Variants in ZNF677 observed in about 807,000 individuals in gnomAD.
ZNF677 encodes the protein zinc finger protein 677.
In ZNF677, 5 loss-of-function variants were observed where a neutral mutation model predicts 8.1. The ratio of observed to expected loss-of-function variants is 0.62; its 90% CI spans 0.32 to 1.29. The LOEUF is 1.29. Ranked by LOEUF, ZNF677 falls within the 50% of genes most tolerant of loss-of-function variation. The probability of loss-of-function intolerance (pLI) is 0.05; values close to 1 mark genes in which losing one functional copy is unlikely to be tolerated. For synonymous variants in ZNF677, 221 were observed against 225.6 expected, an observed-to-expected ratio of 0.98 and a Z score of 0.18; for missense variants, 685 against 685.9, an observed-to-expected ratio of 1.00 and a Z score of 0.01.
At chr19:53,243,709 C>T (rs766465425) in intron 4 of ZNF677, 35 bp downstream of exon 4, 11 of 1,613,402 alleles carry the variant, frequency 6.8e-6, no homozygotes, top group Non-Finnish European at 8.5e-6. Context: ...AAGAGACTCA[C>T]AAGGAAAAAT....
intron 2 of ZNF677, among the ~76,000 whole-genome samples, chr19:53,252,482 G>T (rs897252541): frequency 4.6e-5 from 7 of 152,170 alleles, no homozygotes; most frequent in African/African-American, 1.7e-4. Flanking sequence ...AGTAGCAAAG[G>T]TTTGTCCTTA....
intron 2 of ZNF677, among the ~76,000 whole-genome samples, chr19:53,252,720 C>T (rs1413531208): frequency 6.6e-6 from 1 of 152,154 alleles, no homozygotes; most frequent in Admixed American, 6.5e-5. Flanking sequence ...CCAATCCAGG[C>T]CATTCTTCAA....
chr19:53,248,259 A>G (rs1484193708), intron 3 of ZNF677, among the ~76,000 whole-genome samples: 5 of 152,204 alleles, frequency 3.3e-5, no homozygotes, highest in Non-Finnish European at 4.4e-5. Context: ...TTCTCTTTAT[A>G]ATGTCAAAAA....
rs11879525 is a variant in ZNF677, at chr19:53,241,587, A to G, written c.169+2157T>C. On this transcript the variant is annotated intron_variant, in intron 4 of 4. Transcript: ENST00000598513. ...TACACCTTGTACTGCTGGCTCCAAG[A>G]GGATGATCAGCATATATCTAACCAG... 6.9e-3 allele frequency: 2,523 copies of G among 363,396 alleles called. 72 individuals are homozygous for G. Among genetic ancestry groups the G allele is most frequent in the African/African-American group, 0.048 (2,323 of 47,946 alleles). The allele number at this position is 363,396 out of a possible 1,614,324, so 22.5% of individuals were successfully genotyped here.
intron 3 of ZNF677, among the ~76,000 whole-genome samples, chr19:53,244,295 G>A (rs2091102413): frequency 6.6e-6 from 1 of 152,192 alleles, no homozygotes; most frequent in Non-Finnish European, 1.5e-5. Flanking sequence ...CCTGGGAGGT[G>A]GAGACTGCAG....
intron 4 of ZNF677, chr19:53,241,685 GGCT>G: frequency 2.6e-6 from 1 of 390,024 alleles, no homozygotes. Flanking sequence ...TTATCCCTCC[GGCT>G]GTCCTGATTC....
intron 4 of ZNF677, chr19:53,240,170 T>C (rs959127437): frequency 6.6e-6 from 1 of 152,254 alleles, no homozygotes; most frequent in East Asian, 1.9e-4. Flanking sequence ...TTACACAGTG[T>C]GTGCAATGAA....
Position 53,237,375 on chromosome 19 carries a change from C to A in ZNF677, c.1352G>T (p.Arg451Ile), listed in dbSNP as rs756589821. ...IQSSSLVEHQRIHTGEKPYKC... is the reference protein window; with the variant it reads ...IQSSSLVEHQIIHTGEKPYKC... ...GTAAGGTTTTTCTCCAGTGTGAATT[C>A]TCTGATGTTCCACAAGACTTGAACT... The change falls in exon 5 of 5, where the codon AGA becomes ATA. Residue 451 changes from arginine (R) to isoleucine (I), a missense_variant. Arg to Ile is a moderately conservative substitution (Grantham distance 97, BLOSUM62 -3). Transcript: ENST00000598513. 2 of 1,613,660 alleles carry A rather than the reference C, an allele frequency of 1.2e-6. No individual in the cohort carries two copies. The highest frequency in any genetic ancestry group is 8.5e-7 in the Non-Finnish European group (1 of 1,179,968).
At chr19:53,249,722 T>A (rs980431493) in intron 3 of ZNF677, among the ~76,000 whole-genome samples, 12 of 151,236 alleles carry the variant, frequency 7.9e-5, no homozygotes, top group African/African-American at 4.9e-5. Context: ...TCATAAAAAA[T>A]ATATATATCA....
At position 53,237,754 on chromosome 19, in the gene ZNF677, C is replaced by A. The variant is rs757069717; in HGVS notation, c.973G>T (p.Gly325Cys). 1.2e-6 allele frequency: 2 copies of A among 1,613,720 alleles called. No homozygotes were observed. Among genetic ancestry groups the A allele is most frequent in the East Asian group, 4.5e-5 (2 of 44,862 alleles). The change falls in exon 5 of 5, where the codon GGC becomes TGC. Residue 325 changes from glycine to cysteine, a missense_variant. Physicochemically the swap from Gly to Cys is radical, Grantham distance 159 (BLOSUM62 -3). Transcript: ENST00000598513. Reference protein sequence around the residue: ...GEKPYQCNICGKVCSQNSNLA... With the variant: ...GEKPYQCNICCKVCSQNSNLA... ...TTTGAATTTTGACTACAGACCTTGC[C>A]ACATATATTACATTGATATGGTTTC...
intron 4 of ZNF677, chr19:53,240,570 A>C (rs939274570): frequency 6.6e-6 from 1 of 152,204 alleles, no homozygotes; most frequent in Admixed American, 6.5e-5. Flanking sequence ...GCATATTATT[A>C]AGTGAAAGAA....
rs60644090 is a variant in ZNF677 at position 53,246,487 on chromosome 19, TACACACACACACACACAC to T, written c.16-2608_16-2591del. On this transcript the variant is annotated intron_variant, in intron 3 of 4. Transcript: ENST00000598513. The stretch of plus-strand genomic sequence containing the variant: ...AAGGAATGACTGAATAAAGAAAATG[TACACACACACACACACAC>T]ACACACACACACACACACACACACA... Among the ~76,000 whole-genome samples the T allele has an allele frequency of 1.9e-3, 265 of 140,352 alleles. 1 individual carries two copies. The highest frequency in any genetic ancestry group is 2.1e-3 in the Non-Finnish European group (133 of 64,638). The allele number at this position is 140,352 out of a possible 152,430, so 92.1% of individuals were successfully genotyped here. A position where few individuals can be genotyped will look rare whatever the true frequency, so the allele number is the denominator to read the frequency against.
intron 2 of ZNF677, 56 bp from the exon 3 acceptor site, chr19:53,251,661 A>G (rs1047927317): frequency 3.2e-6 from 4 of 1,248,344 alleles, no homozygotes; most frequent in African/African-American, 1.5e-5. Flanking sequence ...CCCTGCCTCT[A>G]CCACACACAC....
At position 53,237,107 on chromosome 19, in the gene ZNF677, C is replaced by A. The variant is rs1417898470; in HGVS notation, c.1620G>T (p.Lys540Asn). Residue 540 changes from lysine (K) to asparagine (N), a missense_variant, in exon 5 of 5, where the codon AAG (lysine) becomes AAT (asparagine). Physicochemically the swap from Lys to Asn is moderately conservative, Grantham distance 94. Coordinates refer to ENST00000598513, the MANE Select transcript of ZNF677 (RefSeq NM_182609.4). ...LTRHQKIHIE[K>N]KHCKHNIHGN... ...CATGTATATTATGTTTACAATGTTT[C>A]TTTTCAATGTGTATTTTCTGGTGTC... is the stretch of plus-strand genomic sequence containing the variant. The A allele has an allele frequency of 6.2e-7, 1 of 1,613,728 alleles. No homozygotes were observed. Among genetic ancestry groups the A allele is most frequent in the Non-Finnish European group, 8.5e-7 (1 of 1,179,872 alleles).
chr19:53,243,331 G>A (rs2091084432), intron 4 of ZNF677: 4 of 217,314 alleles, frequency 1.8e-5, no homozygotes, highest in Admixed American at 1.1e-4. Context: ...GCTACGAAGA[G>A]AGGACATTAC....
chr19:53,248,111 T>C (rs2091176179), intron 3 of ZNF677, among the ~76,000 whole-genome samples: 1 of 152,230 alleles, frequency 6.6e-6, no homozygotes. Context: ...GGTTCCCTTC[T>C]TTACATTTTT....
chr19:53,245,476 A>G (rs1245791435), intron 3 of ZNF677, among the ~76,000 whole-genome samples: 1 of 152,214 alleles, frequency 6.6e-6, no homozygotes, highest in Non-Finnish European at 1.5e-5. Flanking sequence ...AGAGCTGAAC[A>G]GACATTTTTT....
intron 3 of ZNF677, among the ~76,000 whole-genome samples, chr19:53,250,472 A>G (rs957840793): frequency 6.6e-6 from 1 of 152,232 alleles, no homozygotes; most frequent in Non-Finnish European, 1.5e-5. Flanking sequence ...TGTGGTACAC[A>G]TACACCACGG....
Position 53,238,531 on chromosome 19 carries a change from C to CCTTG in ZNF677, c.192_195dup (p.Gly66GlnfsTer9), listed in dbSNP as rs748388031. 6.4e-7 allele frequency: 1 copy of CCTTG among 1,574,070 alleles called. No individual in the cohort carries two copies. Among genetic ancestry groups the CCTTG allele is most frequent in the Non-Finnish European group, 8.6e-7 (1 of 1,165,532 alleles). ...TTATTATTTTCCTTTGGTGATAATC[C>CCTTG]CTTGCTTGTAAATCCAACAGAAATA... On this transcript the variant is annotated frameshift_variant, in exon 5 of 5. Coordinates refer to ENST00000598513, the MANE Select transcript of ZNF677 (RefSeq NM_182609.4). LOFTEE classifies it low-confidence loss of function (END_TRUNC).
Sources: allele counts gnomAD v4.1 joint callset (sites outside exome capture counted in the v4.1 genomes callset), GRCh38; gene constraint gnomAD v4.1.1; transcripts MANE v1.5; gene names NCBI Gene and HGNC (gene_info 2026-07-23, HGNC 2026-07-21).